Variants in DCDC2 observed in about 807,000 individuals in gnomAD.
DCDC2 encodes the protein doublecortin domain-containing protein 2.
A neutral mutation model predicts 50.2 loss-of-function variants in DCDC2; 40 were observed. That is an observed-to-expected ratio of 0.80 (90% CI 0.62 to 1.04). The LOEUF is 1.04. DCDC2 is among the 50% of genes least tolerant of loss of function. The pLI, the probability that DCDC2 is intolerant of heterozygous loss-of-function variation, is 0.00. For synonymous variants in DCDC2, 234 were observed against 210.6 expected (o/e 1.11, Z -0.96); for missense variants, 570 against 581.9 (o/e 0.98, Z 0.21).
intron 7 of DCDC2, among the ~76,000 whole-genome samples, chr6:24,220,029 T>G (rs1762064161): frequency 1.3e-5 from 2 of 152,208 alleles, no homozygotes; most frequent in South Asian, 4.1e-4. Flanking sequence ...CCTCTTACAC[T>G]GAAAATGACA....
chr6:24,178,082 A>G (rs1000970264), intron 9 of DCDC2, among the ~76,000 whole-genome samples: 4 of 152,190 alleles, frequency 2.6e-5, no homozygotes, highest in African/African-American at 9.7e-5. Context: ...AGGTAAGTAG[A>G]TGGATGGGTC....
At chr6:24,293,342 T>G (rs758579647) in intron 4 of DCDC2, among the ~76,000 whole-genome samples, 1 of 152,202 alleles carries the variant, frequency 6.6e-6, no homozygotes, top group Non-Finnish European at 1.5e-5. Flanking sequence ...TCAGTAAATT[T>G]TTATGGGATG....
At chr6:24,192,361 C>T (rs374078309) in intron 8 of DCDC2, among the ~76,000 whole-genome samples, 2 of 152,034 alleles carry the variant, frequency 1.3e-5, no homozygotes, top group African/African-American at 4.8e-5. Context: ...ATGGCCAAAA[C>T]GAATCACCCT....
intron 2 of DCDC2, among the ~76,000 whole-genome samples, chr6:24,316,212 G>A (rs1375421861): frequency 2.0e-5 from 3 of 152,150 alleles, no homozygotes; most frequent in East Asian, 1.9e-4. Flanking sequence ...AGACACAGAT[G>A]TGGGAGTAAT....
chr6:24,294,640 G>A (rs997573651), intron 4 of DCDC2, among the ~76,000 whole-genome samples: 3 of 152,062 alleles, frequency 2.0e-5, no homozygotes, highest in African/African-American at 7.2e-5. Context: ...CAAATGGGAT[G>A]TTACCACTGA....
At chr6:24,370,717 T>C in the DCDC2 span, among the ~76,000 whole-genome samples, 5 of 151,744 alleles carry the variant, frequency 3.3e-5, no homozygotes, top group Admixed American at 6.6e-5. Flanking sequence ...CTCAAAAAAA[T>C]AAAAATAAAA....
Position 24,222,106 on chromosome 6 carries a change from G to T in DCDC2, c.923-17004C>A, listed in dbSNP as rs1025337884. On this transcript the variant is annotated intron_variant, in intron 7 of 9. Transcript: ENST00000378454. ...TTGAGCTCATCTGGGGAAAAGGTGA[G>T]AAAAAGACAAGAGAATATTCTTTAC... Among the ~76,000 whole-genome samples, 36 of 70,282 alleles carry T rather than the reference G, an allele frequency of 5.1e-4. 1 individual carries two copies. In the Admixed American group the frequency reaches 5.4e-3, roughly 11 times the overall value. The allele number at this position is 70,282 out of a possible 152,430, so 46.1% of individuals were successfully genotyped here.
chr6:24,289,971 CTTTTTTTTTTTTTTTTTTTTTT>C (rs3077132), intron 5 of DCDC2, among the ~76,000 whole-genome samples: 15 of 61,048 alleles, frequency 2.5e-4, no homozygotes, highest in South Asian at 7.3e-4. Context: ...CAGAGCTCTT[CTTTTTTTTTTTTTTTTTTTTTT>C]TTTTTTTTTT....
chr6:24,339,965 G>C (rs1312315640), intron 2 of DCDC2, among the ~76,000 whole-genome samples: 2 of 152,128 alleles, frequency 1.3e-5, no homozygotes, highest in Admixed American at 6.5e-5. Context: ...TTATACATAA[G>C]GAAATGAATT....
chr6:24,225,235 G>A (rs1021618755), intron 7 of DCDC2, among the ~76,000 whole-genome samples: 1 of 152,086 alleles, frequency 6.6e-6, no homozygotes, highest in Admixed American at 6.5e-5. Flanking sequence ...TTCAAGAATG[G>A]AACTAAAGGT....
intron 7 of DCDC2, among the ~76,000 whole-genome samples, chr6:24,213,276 T>C (rs1362990250): frequency 2.0e-5 from 3 of 152,158 alleles, no homozygotes; most frequent in Non-Finnish European, 4.4e-5. Context: ...TAGTTATCTA[T>C]TAACTAGAAG....
At chr6:24,261,693 C>A (rs1265234450) in intron 7 of DCDC2, among the ~76,000 whole-genome samples, 1 of 152,028 alleles carries the variant, frequency 6.6e-6, no homozygotes, top group Non-Finnish European at 1.5e-5. Context: ...TCTTACCTGC[C>A]CCTAATTTCC....
intron 8 of DCDC2, among the ~76,000 whole-genome samples, chr6:24,203,710 A>G (rs1448067205): frequency 6.6e-6 from 1 of 152,214 alleles, no homozygotes; most frequent in Non-Finnish European, 1.5e-5. Context: ...CAACCTACAG[A>G]ATGGGAGAAG....
chr6:24,290,615 T>C (rs1763723691), intron 5 of DCDC2, among the ~76,000 whole-genome samples: 1 of 152,196 alleles, frequency 6.6e-6, no homozygotes, highest in Admixed American at 6.5e-5. Flanking sequence ...CTTCTAATAA[T>C]GTTTGCTGTA....
intron 7 of DCDC2, among the ~76,000 whole-genome samples, chr6:24,276,010 C>T (rs1418451777): frequency 6.6e-6 from 1 of 151,632 alleles, no homozygotes; most frequent in Non-Finnish European, 1.5e-5. Flanking sequence ...GCTAGGACTA[C>T]AGGTGCATGC....
At chr6:24,292,702 A>T (rs1763777310) in intron 4 of DCDC2, among the ~76,000 whole-genome samples, 1 of 152,192 alleles carries the variant, frequency 6.6e-6, no homozygotes, top group African/African-American at 2.4e-5. Flanking sequence ...ACGCTATCTC[A>T]AAAAACACTT....
At chr6:24,352,869 G>A (rs1299703096) in intron 2 of DCDC2, among the ~76,000 whole-genome samples, 1 of 152,192 alleles carries the variant, frequency 6.6e-6, no homozygotes, top group Non-Finnish European at 1.5e-5. Context: ...GGCCTATTCT[G>A]GATCTAACTA....
the DCDC2 span, among the ~76,000 whole-genome samples, chr6:24,364,997 T>G: frequency 2.0e-5 from 3 of 152,216 alleles, no homozygotes; most frequent in South Asian, 2.1e-4. Flanking sequence ...GAACAGGAAC[T>G]TGAGGGCCTT....
chr6:24,369,133 C>CAAAAAAAAAAAAAAAAAAAAAAA, the DCDC2 span, among the ~76,000 whole-genome samples: 1 of 92,812 alleles, frequency 1.1e-5, no homozygotes. Flanking sequence ...GACTCTGTCT[C>CAAAAAAAAAAAAAAAAAAAAAAA]AAAAAAAAAA....
Sources: allele counts gnomAD v4.1 joint callset (sites outside exome capture counted in the v4.1 genomes callset), GRCh38; gene constraint gnomAD v4.1.1; transcripts MANE v1.5; gene names NCBI Gene and HGNC (gene_info 2026-07-23, HGNC 2026-07-21).